Variants in DHX36 observed in about 807,000 individuals in gnomAD.
The protein encoded by DHX36 is DEAH-box helicase 36.
A neutral mutation model predicts 139.0 loss-of-function variants in DHX36; 50 were observed. That is an observed-to-expected ratio of 0.36 (90% CI 0.29 to 0.46). DHX36 has a LOEUF of 0.46. Ranked by LOEUF, DHX36 falls within the 20% of genes least tolerant of loss-of-function variation. The pLI, the probability that DHX36 is intolerant of heterozygous loss-of-function variation, is 1.00. For synonymous variants in DHX36, 425 were observed against 401.9 expected (o/e 1.06, Z -0.69); for missense variants, 1,024 against 1,211.3 (o/e 0.85, Z 2.29).
Position 154,300,616 on chromosome 3 carries a change from C to T in DHX36, c.1439G>A (p.Arg480Gln), listed in dbSNP as rs774393087. 1.2e-5 allele frequency: 19 copies of T among 1,612,974 alleles called. No homozygotes were observed. The highest frequency in any genetic ancestry group is 1.4e-5 in the Non-Finnish European group (17 of 1,179,472). The change falls in exon 11 of 25, where the codon CGA (arginine) becomes CAA (glutamine). Residue 480 changes from arginine to glutamine, a missense_variant. By Grantham distance (43) the Arg-to-Gln change is conservative. This residue lies in a region of DHX36 where 115 missense variants were observed against 105.6 expected (regional missense o/e 1.09). Transcript: ENST00000496811. The part of the protein sequence containing the change: ...VDLNLIVALI[R>Q]YIVLEEEDGA... ...AACCTCTTCTTCCAAAACAATGTAT[C>T]GGATGAGGGCAACAATCAAATTCAG...
chr3:154,304,046 G>A (rs1485795161), intron 8 of DHX36, among the ~76,000 whole-genome samples: 1 of 152,138 alleles, frequency 6.6e-6, no homozygotes, highest in Non-Finnish European at 1.5e-5. Context: ...AGTACTCAAT[G>A]TTAGTTCTAG....
intron 10 of DHX36, 82 bp from the exon 11 acceptor site, chr3:154,300,778 T>G (rs1020458195): frequency 2.2e-6 from 3 of 1,336,492 alleles, no homozygotes; most frequent in African/African-American, 2.9e-5. Context: ...ATTAACTCAA[T>G]CTGCAAATGG....
At chr3:154,309,925 C>T (rs1216036024) in intron 4 of DHX36, 102 bp from the exon 5 acceptor site, 3 of 906,854 alleles carry the variant, frequency 3.3e-6, no homozygotes, top group Non-Finnish European at 4.8e-6. Context: ...TTTTAACAAA[C>T]ATATTAATGC....
At chr3:154,320,089 T>C (rs976660054) in intron 1 of DHX36, among the ~76,000 whole-genome samples, 2 of 152,224 alleles carry the variant, frequency 1.3e-5, no homozygotes, top group Non-Finnish European at 2.9e-5. Flanking sequence ...AGACATTCTC[T>C]GCTCTTACAT....
At position 154,324,290 on chromosome 3, in the gene DHX36, C is replaced by A; in HGVS notation, c.127G>T (p.Gly43Ter). 6.2e-7 allele frequency: 1 copy of A among 1,611,144 alleles called. No individual in the cohort carries two copies. Reference sequence around the variant, plus strand: ...CCCCTGCCGCCTCGACCACCCCCTCCGCCGCCGCCGCCTCCTCCGGAGCCT... The same window carrying A: ...CCCCTGCCGCCTCGACCACCCCCTCAGCCGCCGCCGCCTCCTCCGGAGCCT... ...NRGSGGGGGGGGGGRGGRGRH... is the reference protein window; with the variant it reads ...NRGSGGGGGG Residue 43 changes from glycine (G) to a stop codon, truncating the protein, a stop_gained, in exon 1 of 25, where the codon GGA becomes TGA. Coordinates refer to ENST00000496811, the MANE Select transcript of DHX36 (RefSeq NM_020865.3). LOFTEE classifies it high-confidence loss of function.
chr3:154,314,404 T>C (rs1028660978), intron 3 of DHX36, among the ~76,000 whole-genome samples: 2 of 152,220 alleles, frequency 1.3e-5, no homozygotes, highest in African/African-American at 4.8e-5. Context: ...CAGCAGTATG[T>C]ATTTACATAT....
intron 12 of DHX36, among the ~76,000 whole-genome samples, chr3:154,295,819 T>C (rs1249283371): frequency 2.6e-5 from 4 of 152,162 alleles, no homozygotes; most frequent in Admixed American, 2.6e-4. Context: ...CTGTTGCCCG[T>C]TGCTGTGGTG....
chr3:154,296,826 TTAAAAA>T (rs1251912776), intron 12 of DHX36, among the ~76,000 whole-genome samples: 1 of 152,204 alleles, frequency 6.6e-6, no homozygotes, highest in Non-Finnish European at 1.5e-5. Flanking sequence ...TTTACGAATC[TTAAAAA>T]TAAAAAGTAG....
intron 12 of DHX36, among the ~76,000 whole-genome samples, chr3:154,296,441 T>G (rs530675479): frequency 1.9e-3 from 296 of 152,206 alleles, no homozygotes; most frequent in African/African-American, 6.8e-3. Flanking sequence ...GCCACTGCAC[T>G]CCAGCCTAGG....
intron 2 of DHX36, 75 bp downstream of exon 2, chr3:154,315,964 G>T: frequency 1.4e-6 from 2 of 1,463,112 alleles, no homozygotes; most frequent in Non-Finnish European, 1.8e-6. Flanking sequence ...ACTTATCGAA[G>T]AAAATAAAGA....
At chr3:154,282,613 G>A (rs948831589) in intron 20 of DHX36, among the ~76,000 whole-genome samples, 1 of 151,304 alleles carries the variant, frequency 6.6e-6, no homozygotes, top group Non-Finnish European at 1.5e-5. Context: ...CTTCTGATTT[G>A]GTATGTTAGA....
chr3:154,280,715 GAT>G (rs1491316285), intron 21 of DHX36, 46 bp from the exon 22 acceptor site: 1 of 1,601,788 alleles, frequency 6.2e-7, no homozygotes, highest in South Asian at 1.1e-5. Context: ...GTAAAATACT[GAT>G]ACAATAGACA....
intron 3 of DHX36, among the ~76,000 whole-genome samples, chr3:154,312,865 AT>A (rs1559958704): frequency 4.9e-5 from 2 of 40,682 alleles, no homozygotes; most frequent in Non-Finnish European, 9.5e-5. Context: ...ATATATATAT[AT>A]ATATATATAT....
chr3:154,286,166 CAAAAAA>C (rs60041573), intron 17 of DHX36, among the ~76,000 whole-genome samples: 1 of 16,580 alleles, frequency 6.0e-5, no homozygotes, highest in Non-Finnish European at 1.3e-4. Context: ...TTCCACACAC[CAAAAAA>C]AAAAAAAAAA....
rs770704236 is a variant in DHX36 at position 154,288,959 on chromosome 3, T to C, written c.1938A>G (p.Leu646=). ...LEELCLQIKI[L]RLGGIAYFLS... is the part of the protein sequence containing the mutation. The stretch of plus-strand genomic sequence containing the variant: ...GAAAATAAGCAATTCCACCTAGCCT[T>C]AAAATCTAAGTGGGGGAGACAAATA... Residue 646 remains leucine (L), a synonymous_variant, in exon 17 of 25, where the codon TTA becomes TTG. Transcript: ENST00000496811. 16 of 1,540,158 alleles carry C rather than the reference T, an allele frequency of 1.0e-5. No homozygotes were observed. In the Admixed American group the frequency reaches 2.3e-4, roughly 22 times the overall value.
intron 12 of DHX36, among the ~76,000 whole-genome samples, chr3:154,299,013 T>C (rs1712154665): frequency 6.6e-6 from 1 of 152,204 alleles, no homozygotes; most frequent in Non-Finnish European, 1.5e-5. Context: ...GGCTCAAGCC[T>C]GTAATCCCAG....
At chr3:154,298,333 G>C (rs1166870759) in intron 12 of DHX36, among the ~76,000 whole-genome samples, 3 of 152,022 alleles carry the variant, frequency 2.0e-5, no homozygotes. Flanking sequence ...AATAATGGGG[G>C]AAGGAAAGGC....
chr3:154,301,802 G>A (rs1021453051), intron 9 of DHX36, among the ~76,000 whole-genome samples: 1 of 151,956 alleles, frequency 6.6e-6, no homozygotes, highest in African/African-American at 2.4e-5. Flanking sequence ...ACCTATCATT[G>A]TCAGTCCTGA....
intron 13 of DHX36, among the ~76,000 whole-genome samples, chr3:154,294,578 C>CCCCT (rs1369702171): frequency 6.6e-6 from 1 of 152,020 alleles, no homozygotes; most frequent in East Asian, 1.9e-4. Context: ...TCTTTCTTGC[C>CCCCT]CCCTCTCTTC....
Sources: allele counts gnomAD v4.1 joint callset (sites outside exome capture counted in the v4.1 genomes callset), GRCh38; gene constraint gnomAD v4.1.1; regional missense constraint gnomAD v4.1.1; transcripts MANE v1.5; gene names NCBI Gene and HGNC (gene_info 2026-07-23, HGNC 2026-07-21).